RFX3: variants seen among roughly 807,000 people sequenced by gnomAD.
RFX3 encodes regulatory factor X3.
RFX3 carries 14 observed loss-of-function variants against 98.6 expected under a neutral mutation model. The ratio of observed to expected loss-of-function variants is 0.14; its 90% confidence interval spans 0.09 to 0.22. RFX3 has a LOEUF of 0.22. Among genes scored for constraint, RFX3 ranks in the 10% least tolerant of loss-of-function variants. The pLI is 1.00. For missense variants in RFX3, 639 were observed against 926.9 expected (o/e 0.69, Z 4.03); for synonymous variants, 383 against 328.4 (o/e 1.17, Z -1.80).
At chr9:3,304,414 T>C (rs926033936) in intron 4 of RFX3, among the ~76,000 whole-genome samples, 8 of 152,050 alleles carry the variant, frequency 5.3e-5, no homozygotes, top group South Asian at 4.2e-4. Flanking sequence ...CATAATCCAA[T>C]AGACATTACA....
intron 2 of RFX3, among the ~76,000 whole-genome samples, chr9:3,350,538 T>C (rs765265010): frequency 6.6e-6 from 1 of 152,118 alleles, no homozygotes; most frequent in Non-Finnish European, 1.5e-5. Context: ...AATCTAGTCA[T>C]ATGATCCAGT....
intron 2 of RFX3, among the ~76,000 whole-genome samples, chr9:3,372,284 G>C (rs765913974): frequency 6.6e-6 from 1 of 152,108 alleles, no homozygotes; most frequent in Non-Finnish European, 1.5e-5. Flanking sequence ...CTGAGATGTG[G>C]GATAATACTG....
At chr9:3,455,611 G>C (rs1368230060) in intron 1 of RFX3, among the ~76,000 whole-genome samples, 1 of 152,160 alleles carries the variant, frequency 6.6e-6, no homozygotes, top group Non-Finnish European at 1.5e-5. Flanking sequence ...TTTTCAGCCT[G>C]CTAGTAAATA....
At chr9:3,506,250 G>T (rs531104848) in intron 1 of RFX3, among the ~76,000 whole-genome samples, 1 of 150,482 alleles carries the variant, frequency 6.6e-6, no homozygotes, top group African/African-American at 2.4e-5. Context: ...TAAAGTCTCT[G>T]TAGCAGACAT....
chr9:3,303,484 A>C (rs1828906240), intron 4 of RFX3, among the ~76,000 whole-genome samples: 1 of 151,982 alleles, frequency 6.6e-6, no homozygotes. Flanking sequence ...ATTTCAGTCT[A>C]GTAAATATAA....
At chr9:3,493,410 C>G (rs148529560) in intron 1 of RFX3, among the ~76,000 whole-genome samples, 294 of 152,036 alleles carry the variant, frequency 1.9e-3, no homozygotes, top group African/African-American at 6.4e-3. Context: ...CTGGGCCAGG[C>G]GCGGTGGCTC....
At chr9:3,338,409 T>G (rs2131010640) in intron 3 of RFX3, among the ~76,000 whole-genome samples, 1 of 152,358 alleles carries the variant, frequency 6.6e-6, no homozygotes, top group Admixed American at 6.5e-5. Flanking sequence ...CTCCTTCATG[T>G]GTAGTATTTT....
intron 2 of RFX3, among the ~76,000 whole-genome samples, chr9:3,378,142 T>C (rs2131649354): frequency 6.6e-6 from 1 of 152,304 alleles, no homozygotes. Flanking sequence ...TAGACATAAA[T>C]CCATGTGTCA....
intron 2 of RFX3, among the ~76,000 whole-genome samples, chr9:3,374,092 G>GTA (rs1838173581): frequency 6.8e-6 from 1 of 147,866 alleles, no homozygotes; most frequent in African/African-American, 2.5e-5. Flanking sequence ...ACACACGCGC[G>GTA]CACACACACA....
At chr9:3,241,375 A>G (rs1160860399) in intron 15 of RFX3, among the ~76,000 whole-genome samples, 3 of 152,146 alleles carry the variant, frequency 2.0e-5, no homozygotes, top group Non-Finnish European at 4.4e-5. Context: ...GATCACAGTT[A>G]TAAGCAAATT....
At chr9:3,347,209 T>A (rs1834535167) in intron 2 of RFX3, among the ~76,000 whole-genome samples, 1 of 151,926 alleles carries the variant, frequency 6.6e-6, no homozygotes, top group Non-Finnish European at 1.5e-5. Flanking sequence ...TAGTCCCAGT[T>A]ACTTGGGAGG....
At chr9:3,338,008 T>G (rs1034517004) in intron 3 of RFX3, among the ~76,000 whole-genome samples, 1 of 152,150 alleles carries the variant, frequency 6.6e-6, no homozygotes, top group Non-Finnish European at 1.5e-5. Flanking sequence ...TCAAAACAGA[T>G]ATTCTCAAGA....
At chr9:3,230,596 G>A (rs1818328932) in intron 15 of RFX3, among the ~76,000 whole-genome samples, 1 of 151,988 alleles carries the variant, frequency 6.6e-6, no homozygotes, top group Admixed American at 6.6e-5. Context: ...TCAATTTTTG[G>A]TATTATTTAA....
intron 2 of RFX3, among the ~76,000 whole-genome samples, chr9:3,351,387 T>G (rs1237034272): frequency 6.6e-6 from 1 of 151,960 alleles, no homozygotes; most frequent in Non-Finnish European, 1.5e-5. Context: ...AATAAAATCA[T>G]GCCAATATTT....
chr9:3,242,798 C>G (rs1353032097), intron 15 of RFX3, among the ~76,000 whole-genome samples: 3 of 151,950 alleles, frequency 2.0e-5, no homozygotes, highest in Non-Finnish European at 4.4e-5. Flanking sequence ...AAATTTTTCT[C>G]TATTACTGAA....
intron 2 of RFX3, among the ~76,000 whole-genome samples, chr9:3,356,971 AC>A (rs1835849356): frequency 7.0e-6 from 1 of 142,060 alleles, no homozygotes; most frequent in African/African-American, 2.9e-5. Context: ...ATGCACACAC[AC>A]GCACACACAC....
At chr9:3,341,677 G>C (rs968452563) in intron 3 of RFX3, among the ~76,000 whole-genome samples, 6 of 152,146 alleles carry the variant, frequency 3.9e-5, no homozygotes. Flanking sequence ...CATTGTTTTA[G>C]GTATTAGAGA....
At chr9:3,332,744 T>C (rs770527577) in intron 3 of RFX3, among the ~76,000 whole-genome samples, 19 of 152,178 alleles carry the variant, frequency 1.2e-4, no homozygotes, top group Non-Finnish European at 2.5e-4. Context: ...TATCAAATGC[T>C]CTCTTCACTC....
At chr9:3,452,662 AG>A (rs1259002798) in intron 1 of RFX3, among the ~76,000 whole-genome samples, 1 of 152,206 alleles carries the variant, frequency 6.6e-6, no homozygotes, top group East Asian at 1.9e-4. Flanking sequence ...GTGGGGGAAT[AG>A]GAGGCTGGTG....
Sources: gnomAD v4.1 joint callset for allele counts (sites outside exome capture counted in the v4.1 genomes callset) on GRCh38, gnomAD v4.1.1 for gene constraint, MANE v1.5 for transcripts, NCBI Gene and HGNC (gene_info 2026-07-23, HGNC 2026-07-21) for gene names.